Variants in KMT5B observed in about 807,000 individuals in gnomAD.
The protein encoded by KMT5B is lysine methyltransferase 5B, also known as histone-lysine N-methyltransferase KMT5B.
A neutral mutation model predicts 83.2 loss-of-function variants in KMT5B; 10 were observed. That is an observed-to-expected ratio of 0.12 (90% CI 0.07 to 0.20). The LOEUF (loss-of-function observed/expected upper bound fraction) is 0.20. Ranked by LOEUF, KMT5B falls within the 10% of genes least tolerant of loss-of-function variation. The pLI, the probability that KMT5B is intolerant of heterozygous loss-of-function variation, is 1.00. For synonymous variants in KMT5B, 349 were observed against 388.8 expected (o/e 0.90, Z 1.20); for missense variants, 753 against 1,067.2 (o/e 0.71, Z 4.10).
At chr11:68,175,559 G>A (rs1241886467) in intron 4 of KMT5B, among the ~76,000 whole-genome samples, 1 of 152,038 alleles carries the variant, frequency 6.6e-6, no homozygotes, top group Non-Finnish European at 1.5e-5. Context: ...GTCAACTTTG[G>A]GAGACACAAA....
At chr11:68,189,045 C>T (rs1415177680) in intron 2 of KMT5B, among the ~76,000 whole-genome samples, 2 of 152,162 alleles carry the variant, frequency 1.3e-5, no homozygotes, top group Admixed American at 6.5e-5. Context: ...ATCGCATAAA[C>T]CCTAAAAGGT....
chr11:68,172,937 A>G (rs1157512610), intron 6 of KMT5B, among the ~76,000 whole-genome samples: 1 of 152,234 alleles, frequency 6.6e-6, no homozygotes, highest in Non-Finnish European at 1.5e-5. Context: ...ATGAGGAGCT[A>G]CATGTTTTTC....
At chr11:68,193,628 CT>C (rs1429553198) in intron 1 of KMT5B, among the ~76,000 whole-genome samples, 1 of 151,796 alleles carries the variant, frequency 6.6e-6, no homozygotes, top group Non-Finnish European at 1.5e-5. Context: ...TTTAACGTGC[CT>C]TTTGATTTTT....
At chr11:68,176,059 C>T (rs1173640660) in intron 4 of KMT5B, among the ~76,000 whole-genome samples, 2 of 152,060 alleles carry the variant, frequency 1.3e-5, no homozygotes, top group African/African-American at 2.4e-5. Context: ...GGATGACAGG[C>T]GTGCGCCACC....
chr11:68,169,047 A>G (rs1855589893), intron 9 of KMT5B, among the ~76,000 whole-genome samples: 1 of 152,236 alleles, frequency 6.6e-6, no homozygotes, highest in Non-Finnish European at 1.5e-5. Flanking sequence ...TATGCAGCCA[A>G]TCTTGAAATC....
chr11:68,176,242 C>A (rs1856368366), intron 4 of KMT5B, among the ~76,000 whole-genome samples: 1 of 152,048 alleles, frequency 6.6e-6, no homozygotes, highest in African/African-American at 2.4e-5. Context: ...ATTGTAGAAT[C>A]AGCCACACTG....
At chr11:68,201,279 C>G (rs767036611) in intron 1 of KMT5B, among the ~76,000 whole-genome samples, 4 of 152,164 alleles carry the variant, frequency 2.6e-5, no homozygotes, top group East Asian at 1.9e-4. Flanking sequence ...CAAACGTTTA[C>G]AGTGAACCTA....
At chr11:68,207,447 A>C (rs1860273230) in intron 1 of KMT5B, among the ~76,000 whole-genome samples, 1 of 152,162 alleles carries the variant, frequency 6.6e-6, no homozygotes, top group Admixed American at 6.5e-5. Flanking sequence ...ATTAGAAAAA[A>C]AACTGAAGTG....
Position 68,159,174 on chromosome 11 carries a change from G to GT in KMT5B, c.1175-4dup, listed in dbSNP as rs1379154745. 3 of 1,557,606 alleles carry GT rather than the reference G, an allele frequency of 1.9e-6. No homozygotes were observed. In the East Asian group the frequency reaches 6.7e-5, roughly 35 times the overall value. On this transcript the variant is annotated splice_region_variant and splice_polypyrimidine_tract_variant and intron_variant, in intron 10 of 10. Coordinates refer to ENST00000304363, the MANE Select transcript of KMT5B (RefSeq NM_017635.5). ...AACTGAAGATTTTCGGTTAGAAGCT[G>GT]TAAGGTTAAAGAGAAAAAGGTGAAA...
At chr11:68,179,877 T>G in intron 4 of KMT5B, 1 of 442,070 alleles carries the variant, frequency 2.3e-6, no homozygotes, top group Non-Finnish European at 4.0e-6. Flanking sequence ...AGTCCTGCAA[T>G]CAGTGCTCAG....
At chr11:68,182,944 C>T (rs1590994803) in intron 3 of KMT5B, among the ~76,000 whole-genome samples, 3 of 151,944 alleles carry the variant, frequency 2.0e-5, no homozygotes, top group Admixed American at 2.0e-4. Flanking sequence ...CCATGTTGGT[C>T]AGGCTGGTCT....
intron 1 of KMT5B, among the ~76,000 whole-genome samples, chr11:68,191,075 C>T (rs1228171667): frequency 1.3e-5 from 2 of 152,086 alleles, no homozygotes; most frequent in African/African-American, 4.8e-5. Context: ...TGGCTCACTG[C>T]AACCTCAAAT....
chr11:68,169,441 G>A lies in KMT5B; in HGVS notation c.977+1574C>T, dbSNP rs1433622637. ...CTGTTCTGTATTCTGGGGATATAGC[G>A]GAAAATGAAACAGATACAAGCCCCT... On this transcript the variant is annotated intron_variant, in intron 9 of 10. Coordinates refer to ENST00000304363, the MANE Select transcript of KMT5B (RefSeq NM_017635.5). Among the ~76,000 whole-genome samples the A allele has an allele frequency of 3.3e-5, 5 of 152,138 alleles. No individual in the cohort carries two copies. The South Asian group carries it at 6.2e-4, about 19-fold the overall frequency.
chr11:68,177,230 C>T (rs187380733), intron 4 of KMT5B, among the ~76,000 whole-genome samples: 16 of 152,256 alleles, frequency 1.1e-4, no homozygotes, highest in Admixed American at 2.0e-4. Flanking sequence ...TATGCAAATG[C>T]ATGTTAATAT....
intron 6 of KMT5B, among the ~76,000 whole-genome samples, chr11:68,172,817 C>G (rs1855974252): frequency 6.6e-6 from 1 of 152,086 alleles, no homozygotes. Flanking sequence ...AAGCACATTT[C>G]ATGTACACAC....
In KMT5B at chr11:68,157,234, C is replaced by A. The variant is rs1245579749; in HGVS notation, c.*454G>T. 1.3e-5 allele frequency: 2 copies of A among 152,610 alleles called. No individual in the cohort carries two copies. Among genetic ancestry groups the A allele is most frequent in the African/African-American group, 2.4e-5 (1 of 41,332 alleles). The allele number at this position is 152,610 out of a possible 1,614,324, so 9.5% of individuals were successfully genotyped here. On this transcript the variant is annotated 3_prime_UTR_variant, in exon 11 of 11. Coordinates refer to ENST00000304363, the MANE Select transcript of KMT5B (RefSeq NM_017635.5). ...AGGGGGAAACATCTAGCAAATAAAT[C>A]AAAAAGCCAAAGATCATTGCTGGTG... is the stretch of plus-strand genomic sequence containing the variant.
At chr11:68,166,688 A>C in intron 10 of KMT5B, 1 of 1,208,818 alleles carries the variant, frequency 8.3e-7, no homozygotes. Flanking sequence ...ACAGTCTCTA[A>C]CACCTTGAAA....
intron 2 of KMT5B, among the ~76,000 whole-genome samples, chr11:68,188,398 G>A (rs1278551157): frequency 6.6e-6 from 1 of 150,808 alleles, no homozygotes; most frequent in East Asian, 2.0e-4. Context: ...ATGCTGGAGT[G>A]CAGTGGTGTG....
At chr11:68,186,611 T>G (rs1489452747) in intron 2 of KMT5B, among the ~76,000 whole-genome samples, 1 of 152,164 alleles carries the variant, frequency 6.6e-6, no homozygotes, top group Admixed American at 6.5e-5. Context: ...CTGAAATAAC[T>G]GGGTTTAACT....
Sources: gnomAD v4.1 joint callset for allele counts (sites outside exome capture counted in the v4.1 genomes callset) on GRCh38, gnomAD v4.1.1 for gene constraint, MANE v1.5 for transcripts, NCBI Gene and HGNC (gene_info 2026-07-23, HGNC 2026-07-21) for gene names.